Variants in C5AR1 observed in about 807,000 individuals in gnomAD.
The protein encoded by C5AR1 is complement C5a receptor 1, also known as C5a anaphylatoxin chemotactic receptor 1.
In C5AR1, 4 loss-of-function variants were observed where a neutral mutation model predicts 2.4. That is an observed-to-expected ratio of 1.65 (90% CI 0.81 to 3.77). The LOEUF (loss-of-function observed/expected upper bound fraction) is 3.77, where lower values mean the gene tolerates loss of function less well. Ranked by LOEUF, C5AR1 falls within the 30% of genes most tolerant of loss-of-function variation. The pLI is 0.01. For missense variants in C5AR1, 418 were observed against 462.5 expected (o/e 0.90, Z 0.88); for synonymous variants, 209 against 210.4 (o/e 0.99, Z 0.06).
rs1357149359 is a variant in C5AR1, at chr19:47,320,295, T to C, written c.518T>C (p.Leu173Pro). ...LALLLTIPSF[L>P]YRVVREEYFP... Reference sequence around the variant, plus strand: ...CTGCTGCTGACCATACCCTCCTTCCTGTACCGGGTGGTCCGGGAGGAGTAC... The same window carrying C: ...CTGCTGCTGACCATACCCTCCTTCCCGTACCGGGTGGTCCGGGAGGAGTAC... The change falls in exon 2 of 2, where the codon CTG (leucine) becomes CCG (proline). Residue 173 changes from leucine to proline, a missense_variant. Transcript: ENST00000355085. The surrounding 1 kb of genome is among the most constrained non-coding windows in gnomAD (Gnocchi z 4.9). The C allele has an allele frequency of 1.2e-6, 2 of 1,612,376 alleles. No individual in the cohort carries two copies. The highest frequency in any genetic ancestry group is 1.1e-5 in the South Asian group (1 of 91,088).
chr19:47,316,885 AAAAC>A (rs2059290977), intron 1 of C5AR1, among the ~76,000 whole-genome samples: 5 of 152,164 alleles, frequency 3.3e-5, no homozygotes, highest in East Asian at 3.9e-4. Flanking sequence ...TAGAAAAAAA[AAAAC>A]AAAACTATCC....
At chr19:47,311,954 A>G (rs1244504490) in intron 1 of C5AR1, among the ~76,000 whole-genome samples, 1 of 152,202 alleles carries the variant, frequency 6.6e-6, no homozygotes, top group African/African-American at 2.4e-5. Context: ...CAGTTTACAG[A>G]TGCCTGAGAG....
rs1475631974 is a variant in C5AR1 at position 47,320,329 on chromosome 19, A to G, written c.552A>G (p.Pro184=). The change falls in exon 2 of 2, where the codon CCA becomes CCG. Residue 184 remains proline (P), a synonymous_variant. Transcript: ENST00000355085. This position sits in a 1 kb window ranked among gnomAD's most constrained non-coding sequence, Gnocchi z 4.9. The part of the protein sequence containing the change: ...YRVVREEYFP[P]KVLCGVDYSH... ...TGGTCCGGGAGGAGTACTTTCCACC[A>G]AAGGTGTTGTGTGGCGTGGACTACA... 1 of 1,610,100 alleles carries G rather than the reference A, an allele frequency of 6.2e-7. No individual in the cohort carries two copies. Among genetic ancestry groups the G allele is most frequent in the Non-Finnish European group, 8.5e-7 (1 of 1,179,994 alleles).
intron 1 of C5AR1, among the ~76,000 whole-genome samples, chr19:47,317,211 A>AAAAAAG (rs1568660788): frequency 1.4e-5 from 2 of 142,856 alleles, no homozygotes; most frequent in African/African-American, 2.6e-5. Context: ...AAAAAAAAAA[A>AAAAAAG]AAATATAAAA....
At chr19:47,313,470 T>C (rs1437837367) in intron 1 of C5AR1, among the ~76,000 whole-genome samples, 3 of 149,400 alleles carry the variant, frequency 2.0e-5, no homozygotes, top group African/African-American at 7.4e-5. Flanking sequence ...GGCTCTGGGC[T>C]GGGCGCGGTG....
At position 47,319,432 on chromosome 19, in the gene C5AR1, C is replaced by T. The variant is rs747768535; in HGVS notation, c.4-349C>T. On this transcript the variant is annotated intron_variant, in intron 1 of 1. Coordinates refer to ENST00000355085, the MANE Select transcript of C5AR1 (RefSeq NM_001736.4). The stretch of plus-strand genomic sequence containing the variant: ...CAGGTGATCCTCCTACCTCAGCCTC[C>T]GGAGTAGCTGGGACTACAGGCAAGT... 9.2e-5 allele frequency among the ~76,000 whole-genome samples: 14 copies of T among 151,564 alleles called. No individual in the cohort carries two copies. In the East Asian group the frequency reaches 1.6e-3, roughly 17 times the overall value.
At chr19:47,318,852 G>A (rs1004366899) in intron 1 of C5AR1, among the ~76,000 whole-genome samples, 2 of 150,998 alleles carry the variant, frequency 1.3e-5, no homozygotes, top group African/African-American at 4.9e-5. Flanking sequence ...GCTCTGTCTG[G>A]GAAGAAGTGA....
At chr19:47,313,024 G>C (rs998523412) in intron 1 of C5AR1, among the ~76,000 whole-genome samples, 1 of 152,122 alleles carries the variant, frequency 6.6e-6, no homozygotes, top group Non-Finnish European at 1.5e-5. Flanking sequence ...ACCCAGCCTG[G>C]AGGGCAGTGG....
intron 1 of C5AR1, 42 bp downstream of exon 1, chr19:47,309,940 G>T (rs2059264765): frequency 6.2e-7 from 1 of 1,605,380 alleles, no homozygotes; most frequent in Non-Finnish European, 8.5e-7. Flanking sequence ...CTTTGTCCTG[G>T]GTCCCTCCCA....
In C5AR1 at chr19:47,321,004, C is replaced by A. The variant is rs1401616821; in HGVS notation, c.*174C>A. On this transcript the variant is annotated 3_prime_UTR_variant, in exon 2 of 2. Transcript: ENST00000355085. ...CTTTTCCAGCGGGACTCTTCTCATC[C>A]TTCCTCATTTGCAAGGTGAACACTT... is the stretch of plus-strand genomic sequence containing the variant. 2 of 589,228 alleles carry A rather than the reference C, an allele frequency of 3.4e-6. No homozygotes were observed. The highest frequency in any genetic ancestry group is 5.9e-6 in the Non-Finnish European group (2 of 340,160). 36.5% of individuals were successfully genotyped at this position (589,228 alleles called of 1,614,324 possible). A position where few individuals can be genotyped will look rare whatever the true frequency, so the allele number is the denominator to read the frequency against.
At chr19:47,309,687 C>A (rs956471534), upstream of C5AR1, among the ~76,000 whole-genome samples, 1 of 152,184 alleles carries the variant, frequency 6.6e-6, no homozygotes, top group African/African-American at 2.4e-5. Flanking sequence ...CGCCGGCCCC[C>A]CTTCTCTGCC....
At chr19:47,308,310 A>G (rs1015320985), upstream of C5AR1, among the ~76,000 whole-genome samples, 1 of 151,354 alleles carries the variant, frequency 6.6e-6, no homozygotes, top group Non-Finnish European at 1.5e-5. Context: ...CTAATGCCTG[A>G]TGATCTGTCA....
chr19:47,309,845 C>T, upstream of C5AR1: 1 of 1,607,082 alleles, frequency 6.2e-7, no homozygotes, highest in Non-Finnish European at 8.5e-7. Flanking sequence ...AAAACCACAG[C>T]CCTTGGGCAG....
Position 47,320,605 on chromosome 19 carries a change from G to A in C5AR1, c.828G>A (p.Leu276=). 6.2e-7 allele frequency: 1 copy of A among 1,614,008 alleles called. No homozygotes were observed. The highest frequency in any genetic ancestry group is 8.5e-7 in the Non-Finnish European group (1 of 1,179,974). ...SFLEPSSPTF[L]LLKKLDSLCV... ...TGGAGCCATCGTCACCCACCTTCCTGCTGCTGAAGAAGCTGGACTCCCTGT... is the reference window on the plus strand; with the variant it reads ...TGGAGCCATCGTCACCCACCTTCCTACTGCTGAAGAAGCTGGACTCCCTGT... Residue 276 remains leucine, a synonymous_variant, in exon 2 of 2, where the codon CTG becomes CTA. Coordinates refer to ENST00000355085, the MANE Select transcript of C5AR1 (RefSeq NM_001736.4). The surrounding 1 kb of genome is among the most constrained non-coding windows in gnomAD (Gnocchi z 4.9).
chr19:47,319,758 C>T (rs769603168), intron 1 of C5AR1, 23 bp from the exon 2 acceptor site: 1 of 1,496,544 alleles, frequency 6.7e-7, no homozygotes, highest in Admixed American at 1.7e-5. Context: ...CTCATCCTCT[C>T]TGCTCTCTCC....
rs375004252 is a variant in C5AR1, at chr19:47,319,756, C to T, written c.4-25C>T. On this transcript the variant is annotated intron_variant, in intron 1 of 1. Transcript: ENST00000355085. ...GGGCACATGTCTGCAGACTCATCCT[C>T]TCTGCTCTCTCCGATTCCCCTTAGG... 3 of 1,476,050 alleles carry T rather than the reference C, an allele frequency of 2.0e-6. No homozygotes were observed. The African/African-American group carries it at 4.1e-5, about 20-fold the overall frequency. 91.4% of individuals were successfully genotyped at this position (1,476,050 alleles called of 1,614,324 possible). A position where few individuals can be genotyped will look rare whatever the true frequency, so the allele number is the denominator to read the frequency against.
intron 1 of C5AR1, 130 bp from the exon 2 acceptor site, chr19:47,319,651 C>T (rs1396799316): frequency 6.1e-6 from 4 of 654,406 alleles, no homozygotes; most frequent in South Asian, 5.4e-5. Flanking sequence ...TGACTCTCAG[C>T]CCTCAGCATC....
chr19:47,315,968 GATTCATCC>G (rs1165768523), intron 1 of C5AR1, among the ~76,000 whole-genome samples: 1 of 150,010 alleles, frequency 6.7e-6, no homozygotes, highest in Admixed American at 6.7e-5. Context: ...TCTGTCCATC[GATTCATCC>G]ATCCATCCAT....
At chr19:47,309,960 C>T (rs2122126669) in intron 1 of C5AR1, 62 bp downstream of exon 1, 24 of 1,563,464 alleles carry the variant, frequency 1.5e-5, no homozygotes, top group East Asian at 2.3e-5. Context: ...ATCTTTGCTC[C>T]AGTGGGTCCT....
Sources: allele counts gnomAD v4.1 joint callset (sites outside exome capture counted in the v4.1 genomes callset), GRCh38; gene constraint gnomAD v4.1.1; non-coding constraint Gnocchi (gnomAD v3.1); transcripts MANE v1.5; gene names NCBI Gene and HGNC (gene_info 2026-07-23, HGNC 2026-07-21).